POPDC1: variants seen among roughly 807,000 people sequenced by gnomAD.
POPDC1 encodes the protein popeye domain-containing protein 1.
chr6:105,115,554 T>C, the POPDC1 span: 1 of 1,162,392 alleles, frequency 8.6e-7, no homozygotes, highest in Admixed American at 2.6e-5. Context: ...TTTGATTGTT[T>C]TTATTGTTAC....
At chr6:105,116,431 CCT>C in the POPDC1 span, among the ~76,000 whole-genome samples, 684 of 152,234 alleles carry the variant, frequency 4.5e-3, 8 homozygotes, top group African/African-American at 0.016. Flanking sequence ...TCCTCCACCC[CCT>C]CTTACTCCTT....
chr6:105,129,107 A>T, the POPDC1 span, among the ~76,000 whole-genome samples: 1 of 152,208 alleles, frequency 6.6e-6, no homozygotes. Context: ...TCAATATAAA[A>T]AATCAAGTAA....
chr6:105,134,758 T>C, the POPDC1 span, among the ~76,000 whole-genome samples: 1 of 152,148 alleles, frequency 6.6e-6, no homozygotes, highest in Non-Finnish European at 1.5e-5. Context: ...GTGAATGAAA[T>C]GATCAAGTCA....
chr6:105,120,991 T>G, the POPDC1 span, among the ~76,000 whole-genome samples: 1 of 152,170 alleles, frequency 6.6e-6, no homozygotes, highest in Non-Finnish European at 1.5e-5. Context: ...ACCAAAATAT[T>G]TACTTAATAT....
chr6:105,119,928 C>T, the POPDC1 span, among the ~76,000 whole-genome samples: 11 of 152,008 alleles, frequency 7.2e-5, no homozygotes, highest in Non-Finnish European at 1.6e-4. Flanking sequence ...AATAATAAGC[C>T]GTACTTAGTT....
At chr6:105,104,827 G>A in the POPDC1 span, among the ~76,000 whole-genome samples, 1 of 152,184 alleles carries the variant, frequency 6.6e-6, no homozygotes, top group Non-Finnish European at 1.5e-5. Context: ...ACCACAAGGT[G>A]CTAGGACAAT....
At chr6:105,113,527 G>C in the POPDC1 span, among the ~76,000 whole-genome samples, 1 of 152,154 alleles carries the variant, frequency 6.6e-6, no homozygotes, top group Non-Finnish European at 1.5e-5. Context: ...TGCTCCTTTA[G>C]AGCAGGAGCT....
At chr6:105,109,489 G>C in the POPDC1 span, among the ~76,000 whole-genome samples, 1 of 151,972 alleles carries the variant, frequency 6.6e-6, no homozygotes, top group Non-Finnish European at 1.5e-5. Flanking sequence ...TATAATCCCA[G>C]TACTTTGGGA....
the POPDC1 span, among the ~76,000 whole-genome samples, chr6:105,121,843 C>G: frequency 5.9e-5 from 9 of 152,312 alleles, no homozygotes; most frequent in East Asian, 1.2e-3. Context: ...CATGAGCACC[C>G]TGACCACAGA....
the POPDC1 span, chr6:105,115,896 T>C: frequency 2.1e-5 from 32 of 1,522,416 alleles, no homozygotes; most frequent in Middle Eastern, 4.4e-4. Flanking sequence ...TTAAGCAGCA[T>C]GTACTTTTCC....
chr6:105,129,552 T>C, the POPDC1 span: 255 of 1,556,714 alleles, frequency 1.6e-4, 1 homozygote, highest in Middle Eastern at 8.6e-4. Flanking sequence ...AGAGCCTAAG[T>C]GGGGAGCTTA....
the POPDC1 span, chr6:105,116,590 G>T: frequency 1.2e-6 from 1 of 814,924 alleles, no homozygotes; most frequent in Non-Finnish European, 1.8e-6. Flanking sequence ...AGTATCCCCA[G>T]TACATTTAAC....
At chr6:105,131,183 G>C in the POPDC1 span, among the ~76,000 whole-genome samples, 6 of 152,096 alleles carry the variant, frequency 3.9e-5, no homozygotes, top group African/African-American at 1.4e-4. Flanking sequence ...TTACTCACTT[G>C]CAATTTTTTA....
the POPDC1 span, among the ~76,000 whole-genome samples, chr6:105,122,117 T>A: frequency 6.6e-6 from 1 of 152,182 alleles, no homozygotes; most frequent in Non-Finnish European, 1.5e-5. Context: ...TATTTATTAC[T>A]CTTGAGGATC....
At chr6:105,121,092 C>T in the POPDC1 span, among the ~76,000 whole-genome samples, 1 of 152,108 alleles carries the variant, frequency 6.6e-6, no homozygotes, top group East Asian at 1.9e-4. Context: ...ATCCCTCTCC[C>T]CTTGAAGTCA....
chr6:105,124,776 T>C, the POPDC1 span: 1 of 714,212 alleles, frequency 1.4e-6, no homozygotes, highest in Admixed American at 2.8e-5. Context: ...TCCACAGAGA[T>C]GATGGACATA....
At chr6:105,111,414 G>A in the POPDC1 span, among the ~76,000 whole-genome samples, 6 of 152,180 alleles carry the variant, frequency 3.9e-5, no homozygotes, top group East Asian at 1.9e-4. Context: ...GTGCCCTGAC[G>A]AGCAACACCT....
the POPDC1 span, among the ~76,000 whole-genome samples, chr6:105,117,583 C>T: frequency 6.6e-6 from 1 of 152,176 alleles, no homozygotes. Flanking sequence ...TCAAATAAAT[C>T]CCTTTGCCAG....
chr6:105,127,763 CTCTT>C, the POPDC1 span, among the ~76,000 whole-genome samples: 1 of 151,478 alleles, frequency 6.6e-6, no homozygotes, highest in Non-Finnish European at 1.5e-5. Context: ...TTCTTTTCCT[CTCTT>C]TTTTTTTTTT....
Sources: gnomAD v4.1 joint callset for allele counts (sites outside exome capture counted in the v4.1 genomes callset) on GRCh38, gnomAD v4.1.1 for gene constraint, MANE v1.5 for transcripts, NCBI Gene and HGNC (gene_info 2026-07-23, HGNC 2026-07-21) for gene names.